The following HLCS variants were observed in gnomAD, a reference collection of about 807,000 sequenced individuals.
The protein encoded by HLCS is biotin--protein ligase.
Under a neutral mutation model 75.0 loss-of-function variants are expected in HLCS, and 53 were observed. That is an observed-to-expected ratio of 0.71 (90% CI 0.57 to 0.89). HLCS has a LOEUF of 0.89. Among genes scored for constraint, HLCS ranks in the 40% least tolerant of loss-of-function variants. The probability of loss-of-function intolerance (pLI) is 0.00; values close to 1 mark genes in which losing one functional copy is unlikely to be tolerated. For missense variants in HLCS, 966 were observed against 1,074.0 expected (o/e 0.90, Z 1.41); for synonymous variants, 431 against 428.6 (o/e 1.01, Z -0.07).
At position 36,926,903 on chromosome 21, in the gene HLCS, T is replaced by C. The variant is rs180920629; in HGVS notation, c.1620+3348A>G. ...GACTACAGGTATGCGCCACCATGCC[T>C]GGCTAATTTTTGTATCTTCTGTAAA... On this transcript the variant is annotated intron_variant, in intron 5 of 10. Coordinates refer to ENST00000674895, the MANE Select transcript of HLCS (RefSeq NM_001352514.2). Among the ~76,000 whole-genome samples, 464 of 152,232 alleles carry C rather than the reference T, an allele frequency of 3.0e-3. 2 individuals carry two copies. Among genetic ancestry groups the C allele is most frequent in the African/African-American group, 0.011 (450 of 41,544 alleles).
At chr21:36,777,881 G>T (rs2060408819) in intron 6 of HLCS, among the ~76,000 whole-genome samples, 1 of 152,140 alleles carries the variant, frequency 6.6e-6, no homozygotes. Flanking sequence ...AAGCACTTAT[G>T]GGGAGATAAA....
upstream of HLCS, among the ~76,000 whole-genome samples, chr21:36,970,715 G>A (rs982057839): frequency 1.3e-5 from 2 of 151,762 alleles, no homozygotes; most frequent in Admixed American, 1.3e-4. Context: ...AATCTTCGCC[G>A]GGCACAGTGG....
chr21:36,908,901 G>A (rs921470478), intron 5 of HLCS, among the ~76,000 whole-genome samples: 1 of 152,152 alleles, frequency 6.6e-6, no homozygotes, highest in Non-Finnish European at 1.5e-5. Flanking sequence ...CATGAGAACT[G>A]ATTAAGAAAA....
intron 6 of HLCS, among the ~76,000 whole-genome samples, chr21:36,823,107 T>C (rs1569060773): frequency 1.3e-5 from 2 of 152,338 alleles, no homozygotes; most frequent in East Asian, 3.9e-4. Flanking sequence ...GATGGTAGTA[T>C]ACATCCCAAT....
At chr21:36,930,978 T>C (rs2066610644) in intron 4 of HLCS, among the ~76,000 whole-genome samples, 1 of 152,152 alleles carries the variant, frequency 6.6e-6, no homozygotes, top group African/African-American at 2.4e-5. Flanking sequence ...TTACTTAACT[T>C]GATTATAGGA....
rs755293772 is a variant in HLCS at position 36,756,673 on chromosome 21, T to C, written c.2319A>G (p.Ala773=). The change falls in exon 10 of 11, where the codon GCA becomes GCG. Residue 773 remains alanine, a synonymous_variant. Coordinates refer to ENST00000674895, the MANE Select transcript of HLCS (RefSeq NM_001352514.2). The stretch of plus-strand genomic sequence containing the variant: ...AATCGGCTCTTAAGGGCTTCAGTTC[T>C]GCCTTGTGTTGTTTATTGTATTCTG... ...LITEYNKQHK[A]ELKPLRADYL... is the part of the protein sequence containing the mutation. 1.9e-6 allele frequency: 3 copies of C among 1,614,202 alleles called. No individual in the cohort carries two copies. The highest frequency in any genetic ancestry group is 1.1e-5 in the South Asian group (1 of 91,078).
intron 5 of HLCS, among the ~76,000 whole-genome samples, chr21:36,905,737 G>A (rs2065420568): frequency 6.6e-6 from 1 of 152,072 alleles, no homozygotes; most frequent in Non-Finnish European, 1.5e-5. Flanking sequence ...AGTTTAGCAA[G>A]GTTGTGGGAT....
intron 6 of HLCS, among the ~76,000 whole-genome samples, chr21:36,785,080 G>A (rs933037143): frequency 1.3e-5 from 2 of 152,060 alleles, no homozygotes; most frequent in African/African-American, 4.8e-5. Flanking sequence ...TAATGACAAG[G>A]AAGAATGCCC....
In HLCS at chr21:36,833,769, T is replaced by C. The variant is rs557132139; in HGVS notation, c.1892+63091A>G. On this transcript the variant is annotated intron_variant, in intron 6 of 10. Coordinates refer to ENST00000674895, the MANE Select transcript of HLCS (RefSeq NM_001352514.2). Reference sequence around the variant, plus strand: ...ATGAAGAAGTTCAAACATAAGCAAGTGGTAAAGGAGCCAAAGATTCCCAAC... The same window carrying C: ...ATGAAGAAGTTCAAACATAAGCAAGCGGTAAAGGAGCCAAAGATTCCCAAC... 7.8e-4 allele frequency among the ~76,000 whole-genome samples: 118 copies of C among 152,086 alleles called. 1 individual carries two copies. Among genetic ancestry groups the C allele is most frequent in the African/African-American group, 2.3e-3 (96 of 41,480 alleles).
chr21:36,751,721 A>C lies in HLCS; in HGVS notation c.*2525T>G, dbSNP rs993358580. ...TGCTGGGGTGGGGGTGGGGACAGGA[A>C]GCCCAGTTATTGCTGTGTTCTATTT... On this transcript the variant is annotated 3_prime_UTR_variant, in exon 11 of 11. Coordinates refer to ENST00000674895, the MANE Select transcript of HLCS (RefSeq NM_001352514.2). 1.3e-5 allele frequency: 2 copies of C among 152,244 alleles called. No individual in the cohort carries two copies. The highest frequency in any genetic ancestry group is 2.9e-5 in the Non-Finnish European group (2 of 68,058). The allele number at this position is 152,244 out of a possible 1,614,324, so 9.4% of individuals were successfully genotyped here.
chr21:36,770,384 C>T (rs2060168586), intron 6 of HLCS, among the ~76,000 whole-genome samples: 1 of 151,878 alleles, frequency 6.6e-6, no homozygotes, highest in African/African-American at 2.4e-5. Flanking sequence ...TGGCCTCAAG[C>T]GATCCTCCTG....
chr21:36,884,137 T>A (rs2064348608), intron 6 of HLCS, among the ~76,000 whole-genome samples: 1 of 152,196 alleles, frequency 6.6e-6, no homozygotes, highest in Non-Finnish European at 1.5e-5. Flanking sequence ...TTTATTTATA[T>A]CCCCTTGTTA....
At chr21:36,864,918 T>C (rs150648532) in intron 6 of HLCS, among the ~76,000 whole-genome samples, 1 of 152,342 alleles carries the variant, frequency 6.6e-6, no homozygotes, top group African/African-American at 2.4e-5. Context: ...TTCTTTAAAC[T>C]GCTTCCAACA....
chr21:36,894,945 C>G (rs963522893), intron 6 of HLCS, among the ~76,000 whole-genome samples: 2 of 151,820 alleles, frequency 1.3e-5, no homozygotes, highest in Non-Finnish European at 2.9e-5. Flanking sequence ...CCCAAAAACA[C>G]AGGCTGGACA....
intron 1 of HLCS, chr21:36,974,494 C>G (rs2068883722): frequency 6.6e-6 from 1 of 152,196 alleles, no homozygotes; most frequent in Admixed American, 6.5e-5. Flanking sequence ...CTGTGTCCCC[C>G]CAAATTCTAA....
rs1341358199 is a variant in HLCS, at chr21:36,855,532, C to T, written c.1892+41328G>A. ...CAGCCTGGGCAACAGAGCAAGACTC[C>T]ATCTAAAAAAAAAAAAAAAAAAAAA... On this transcript the variant is annotated intron_variant, in intron 6 of 10. Coordinates refer to ENST00000674895, the MANE Select transcript of HLCS (RefSeq NM_001352514.2). Among the ~76,000 whole-genome samples the T allele has an allele frequency of 5.3e-5, 6 of 113,342 alleles. No individual in the cohort carries two copies. In the East Asian group the frequency reaches 1.2e-3, roughly 23 times the overall value. 74.4% of individuals were successfully genotyped at this position (113,342 alleles called of 152,430 possible). A position where few individuals can be genotyped will look rare whatever the true frequency, so the allele number is the denominator to read the frequency against.
At chr21:36,970,222 G>A (rs528473820), upstream of HLCS, among the ~76,000 whole-genome samples, 2 of 152,274 alleles carry the variant, frequency 1.3e-5, no homozygotes, top group East Asian at 3.9e-4. Context: ...GGCCAGAGCT[G>A]AGAAGGATAG....
intron 2 of HLCS, among the ~76,000 whole-genome samples, chr21:36,940,541 T>C (rs1451670529): frequency 6.6e-6 from 1 of 152,124 alleles, no homozygotes; most frequent in Non-Finnish European, 1.5e-5. Context: ...AAACTATTTT[T>C]TAAATGCTAG....
intron 6 of HLCS, among the ~76,000 whole-genome samples, chr21:36,838,185 T>A (rs1264808545): frequency 6.6e-6 from 1 of 152,048 alleles, no homozygotes; most frequent in African/African-American, 2.4e-5. Flanking sequence ...GCCTCCACCC[T>A]CCCAGGAAAC....
Sources: gnomAD v4.1 joint callset for allele counts (sites outside exome capture counted in the v4.1 genomes callset) on GRCh38, gnomAD v4.1.1 for gene constraint, MANE v1.5 for transcripts, NCBI Gene and HGNC (gene_info 2026-07-23, HGNC 2026-07-21) for gene names.